PSTPIP2: variants seen among roughly 807,000 people sequenced by gnomAD.
The protein encoded by PSTPIP2 is proline-serine-threonine phosphatase-interacting protein 2.
Under a neutral mutation model 63.3 loss-of-function variants are expected in PSTPIP2, and 33 were observed. The observed-to-expected ratio is 0.52, with a 90% CI of 0.40 to 0.70. The LOEUF (loss-of-function observed/expected upper bound fraction) is 0.70. Ranked by LOEUF, PSTPIP2 falls within the 30% of genes least tolerant of loss-of-function variation. The pLI is 0.00. For synonymous variants in PSTPIP2, 125 were observed against 132.7 expected (o/e 0.94, Z 0.40); for missense variants, 312 against 400.7 (o/e 0.78, Z 1.89).
chr18:46,054,922 C>A (rs1273756135), intron 1 of PSTPIP2, among the ~76,000 whole-genome samples: 2 of 152,062 alleles, frequency 1.3e-5, no homozygotes, highest in Non-Finnish European at 2.9e-5. Context: ...CTCCCAAAAA[C>A]CTACTAATTT....
chr18:45,987,117 G>A (rs1473739695), intron 14 of PSTPIP2, among the ~76,000 whole-genome samples: 1 of 152,198 alleles, frequency 6.6e-6, no homozygotes, highest in East Asian at 1.9e-4. Flanking sequence ...GGGATTACAG[G>A]CGTGAGCCAC....
At chr18:46,041,744 C>T (rs1405678807) in intron 1 of PSTPIP2, among the ~76,000 whole-genome samples, 1 of 152,158 alleles carries the variant, frequency 6.6e-6, no homozygotes, top group East Asian at 1.9e-4. Context: ...CTTTCTACCC[C>T]TGAATGCATA....
chr18:46,058,510 CCA>C (rs1348101839), intron 1 of PSTPIP2, among the ~76,000 whole-genome samples: 1 of 151,974 alleles, frequency 6.6e-6, no homozygotes, highest in Non-Finnish European at 1.5e-5. Context: ...GGGTGCGCCA[CCA>C]CACCCAGCTA....
chr18:46,020,327 A>G (rs1176313910), intron 3 of PSTPIP2, among the ~76,000 whole-genome samples: 2 of 152,156 alleles, frequency 1.3e-5, no homozygotes, highest in African/African-American at 4.8e-5. Context: ...AGGGTAGCCA[A>G]TGAGGTGGAA....
chr18:46,011,217 T>C lies in PSTPIP2; in HGVS notation c.318A>G (p.Glu106=), dbSNP rs143635689. 996 of 1,614,058 alleles carry C rather than the reference T, an allele frequency of 6.2e-4. No homozygotes were observed. The highest frequency in any genetic ancestry group is 1.9e-3 in the Admixed American group (113 of 60,016). The change falls in exon 5 of 15, where the codon GAA becomes GAG. Residue 106 remains glutamate (E), a synonymous_variant. Transcript: ENST00000409746. ...GTAGTTTTTGCTTTTCCCTGAATTC[T>C]TCCATCTTCCTGGCCTCTTCTCTTA... is the stretch of plus-strand genomic sequence containing the variant. ...QSLREEARKM[E]EFREKQKLQR...
chr18:46,069,570 G>T (rs1210347269), intron 1 of PSTPIP2, among the ~76,000 whole-genome samples: 1 of 152,172 alleles, frequency 6.6e-6, no homozygotes, highest in Non-Finnish European at 1.5e-5. Context: ...GCACACGCCA[G>T]CTCCAAGCCC....
Position 45,985,512 on chromosome 18 carries a change from A to T in PSTPIP2, c.*9-62T>A. On this transcript the variant is annotated intron_variant, in intron 14 of 14. Transcript: ENST00000409746. ...AAGGTGCTTGTCAATACTCTCTCCT[A>T]CCTTGAGAGTATATTCAACAAGAAT... The T allele has an allele frequency of 2.6e-6, 4 of 1,524,142 alleles. No individual in the cohort carries two copies. In the South Asian group the frequency reaches 4.5e-5, roughly 17 times the overall value. 94.4% of individuals were successfully genotyped at this position (1,524,142 alleles called of 1,614,324 possible).
intron 4 of PSTPIP2, among the ~76,000 whole-genome samples, chr18:46,014,341 C>T (rs2051831971): frequency 6.6e-6 from 1 of 151,526 alleles, no homozygotes; most frequent in South Asian, 2.1e-4. Context: ...ATTTCTAGGA[C>T]ATAGCATCCT....
intron 2 of PSTPIP2, chr18:46,028,360 G>A (rs1022826483): frequency 2.0e-6 from 1 of 488,658 alleles, no homozygotes; most frequent in South Asian, 1.7e-5. Context: ...AAAGGCTGCC[G>A]CTTCATCCCA....
intron 3 of PSTPIP2, among the ~76,000 whole-genome samples, chr18:46,020,590 TAC>T (rs796800616): frequency 2.6e-4 from 40 of 152,146 alleles, no homozygotes; most frequent in African/African-American, 9.4e-4. Context: ...AGGCAGAGGT[TAC>T]AGTGAGCTGA....
At chr18:46,007,725 T>C (rs1435760650) in intron 5 of PSTPIP2, among the ~76,000 whole-genome samples, 1 of 152,328 alleles carries the variant, frequency 6.6e-6, no homozygotes, top group East Asian at 1.9e-4. Flanking sequence ...AACACTTGCT[T>C]CAAACACCTC....
At position 45,993,600 on chromosome 18, in the gene PSTPIP2, C is replaced by T. The variant is rs1205299350; in HGVS notation, c.741+5G>A. ...GACAATCCTCAGTGGATGCCTCTGACTTACTTCATCACTGGTGACACATTG... is the reference window on the plus strand; with the variant it reads ...GACAATCCTCAGTGGATGCCTCTGATTTACTTCATCACTGGTGACACATTG... On this transcript the variant is annotated splice_donor_5th_base_variant and intron_variant, in intron 10 of 14. Transcript: ENST00000409746. 2 of 1,610,520 alleles carry T rather than the reference C, an allele frequency of 1.2e-6. No individual in the cohort carries two copies. Among genetic ancestry groups the T allele is most frequent in the African/African-American group, 2.7e-5 (2 of 74,798 alleles).
intron 1 of PSTPIP2, among the ~76,000 whole-genome samples, chr18:46,053,503 C>T (rs529268854): frequency 1.3e-5 from 2 of 152,300 alleles, no homozygotes; most frequent in African/African-American, 4.8e-5. Flanking sequence ...CCAGCTTGAT[C>T]TAATGAACAT....
intron 4 of PSTPIP2, among the ~76,000 whole-genome samples, chr18:46,011,857 G>T (rs2144083212): frequency 6.6e-6 from 1 of 152,260 alleles, no homozygotes; most frequent in African/African-American, 2.4e-5. Flanking sequence ...TCAAAGCATG[G>T]CATTAAAGCT....
At chr18:46,039,642 T>C (rs1487602665) in intron 2 of PSTPIP2, among the ~76,000 whole-genome samples, 1 of 152,160 alleles carries the variant, frequency 6.6e-6, no homozygotes, top group Non-Finnish European at 1.5e-5. Flanking sequence ...CTCAGCAGTC[T>C]CTTCCTCAGC....
At chr18:46,061,823 T>C (rs1909003535) in intron 1 of PSTPIP2, among the ~76,000 whole-genome samples, 1 of 152,258 alleles carries the variant, frequency 6.6e-6, no homozygotes, top group East Asian at 1.9e-4. Context: ...GAAAACAATA[T>C]CTGTATTTGA....
chr18:45,988,679 A>G (rs760860850), intron 14 of PSTPIP2, 23 bp downstream of exon 14: 6 of 1,521,340 alleles, frequency 3.9e-6, no homozygotes, highest in East Asian at 2.3e-5. Context: ...TGACTCAATT[A>G]TGTGAAAAAT....
At chr18:46,064,603 C>T (rs1248334529) in intron 1 of PSTPIP2, among the ~76,000 whole-genome samples, 1 of 151,662 alleles carries the variant, frequency 6.6e-6, no homozygotes, top group African/African-American at 2.4e-5. Context: ...CCCAGCCCTG[C>T]TGTCTGGTTT....
intron 4 of PSTPIP2, among the ~76,000 whole-genome samples, chr18:46,012,749 G>C (rs1454546081): frequency 3.9e-5 from 6 of 152,156 alleles, no homozygotes; most frequent in African/African-American, 1.4e-4. Flanking sequence ...CTTCAGCCTG[G>C]CAACAGAGCG....
Sources: allele counts gnomAD v4.1 joint callset (sites outside exome capture counted in the v4.1 genomes callset), GRCh38; gene constraint gnomAD v4.1.1; transcripts MANE v1.5; gene names NCBI Gene and HGNC (gene_info 2026-07-23, HGNC 2026-07-21).